Variants in DDX50 observed in about 807,000 individuals in gnomAD.
The protein encoded by DDX50 is DExD-box helicase 50.
A neutral mutation model predicts 94.8 loss-of-function variants in DDX50; 56 were observed. The ratio of observed to expected loss-of-function variants is 0.59; its 90% confidence interval spans 0.48 to 0.74. The LOEUF (loss-of-function observed/expected upper bound fraction) is 0.74, where lower values mean the gene tolerates loss of function less well. DDX50 is among the 30% of genes least tolerant of loss of function. The probability of loss-of-function intolerance (pLI) is 0.00; values close to 1 mark genes in which losing one functional copy is unlikely to be tolerated. For synonymous variants in DDX50, 264 were observed against 295.4 expected (o/e 0.89, Z 1.09); for missense variants, 713 against 881.2 (o/e 0.81, Z 2.42).
chr10:68,926,863 C>T (rs1404380615), intron 8 of DDX50, among the ~76,000 whole-genome samples: 1 of 151,750 alleles, frequency 6.6e-6, no homozygotes, highest in Non-Finnish European at 1.5e-5. Flanking sequence ...TCACTGATAC[C>T]ATGAATGTAG....
chr10:68,907,949 A>C (rs1349383416), intron 2 of DDX50, among the ~76,000 whole-genome samples: 2 of 152,230 alleles, frequency 1.3e-5, no homozygotes, highest in Non-Finnish European at 2.9e-5. Flanking sequence ...AAAGGAATTT[A>C]TCCTAAGGAG....
At chr10:68,911,794 A>G (rs938149171) in intron 4 of DDX50, 1 of 152,192 alleles carries the variant, frequency 6.6e-6, no homozygotes, top group Non-Finnish European at 1.5e-5. Flanking sequence ...GTATTATAGA[A>G]ATGATACTGC....
At chr10:68,902,719 G>A (rs570450365) in intron 1 of DDX50, among the ~76,000 whole-genome samples, 151 of 149,590 alleles carry the variant, frequency 1.0e-3, no homozygotes, top group Non-Finnish European at 1.9e-3. Flanking sequence ...AAACCAAGCA[G>A]GTATTTTAAA....
intron 7 of DDX50, among the ~76,000 whole-genome samples, chr10:68,917,907 CGTAA>C (rs1310499955): frequency 6.6e-6 from 1 of 151,428 alleles, no homozygotes; most frequent in Non-Finnish European, 1.5e-5. Flanking sequence ...CTGGCCTCCC[CGTAA>C]GTATTTTAAC....
chr10:68,903,710 A>G (rs988913378), intron 1 of DDX50, among the ~76,000 whole-genome samples: 3 of 151,882 alleles, frequency 2.0e-5, no homozygotes, highest in Admixed American at 6.6e-5. Context: ...CTGAGGTAAG[A>G]GAATCGTATG....
chr10:68,912,687 A>G (rs1400660030), intron 4 of DDX50, among the ~76,000 whole-genome samples: 1 of 152,228 alleles, frequency 6.6e-6, no homozygotes, highest in East Asian at 1.9e-4. Flanking sequence ...ATCAAATTAG[A>G]TAATTCCTGT....
In DDX50 at chr10:68,934,053, CTTT is replaced by C; in HGVS notation, c.1240-137_1240-135del. On this transcript the variant is annotated intron_variant, in intron 8 of 14. Coordinates refer to ENST00000373585, the MANE Select transcript of DDX50 (RefSeq NM_024045.2). This position sits in a 1 kb window ranked among gnomAD's most constrained non-coding sequence, Gnocchi z 4.0. ...GTTAAATATTTTCTGTCATGTTTGA[CTTT>C]TTTTTTTTACAGTAAGCATGCATTG... is the stretch of plus-strand genomic sequence containing the variant. 3.4e-6 allele frequency: 2 copies of C among 580,418 alleles called. No individual in the cohort carries two copies. Among genetic ancestry groups the C allele is most frequent in the Non-Finnish European group, 2.6e-6 (1 of 390,222 alleles). The allele number at this position is 580,418 out of a possible 1,614,324, so 36.0% of individuals were successfully genotyped here.
chr10:68,910,930 T>C, intron 3 of DDX50, 138 bp from the exon 4 acceptor site: 1 of 563,844 alleles, frequency 1.8e-6, no homozygotes, highest in African/African-American at 1.9e-5. Flanking sequence ...AATGCTTGTT[T>C]GTGGTAGGAA....
chr10:68,929,368 CT>C (rs1842187303), intron 8 of DDX50, among the ~76,000 whole-genome samples: 1 of 145,376 alleles, frequency 6.9e-6, no homozygotes, highest in Non-Finnish European at 1.5e-5. Flanking sequence ...TCTTTCCTTC[CT>C]TTCCTTTCTT....
intron 8 of DDX50, among the ~76,000 whole-genome samples, chr10:68,932,667 A>T (rs1842302728): frequency 6.6e-6 from 1 of 152,182 alleles, no homozygotes; most frequent in South Asian, 2.1e-4. Flanking sequence ...TACCTAATAT[A>T]AATAGGTTCA....
intron 11 of DDX50, among the ~76,000 whole-genome samples, chr10:68,936,670 C>A (rs1842428533): frequency 6.7e-6 from 1 of 150,330 alleles, no homozygotes; most frequent in African/African-American, 2.4e-5. Context: ...GAAACCTTGT[C>A]TCTACAAAAA....
At position 68,946,711 on chromosome 10, in the gene DDX50, C is replaced by A; in HGVS notation, c.*81C>A. The A allele has an allele frequency of 6.6e-7, 1 of 1,518,338 alleles. No individual in the cohort carries two copies. Among genetic ancestry groups the A allele is most frequent in the Non-Finnish European group, 8.9e-7 (1 of 1,128,364 alleles). The allele number at this position is 1,518,338 out of a possible 1,614,324, so 94.1% of individuals were successfully genotyped here. A position where few individuals can be genotyped will look rare whatever the true frequency, so the allele number is the denominator to read the frequency against. Reference sequence around the variant, plus strand: ...CATTATCCACCAAAAATTAGGTCATCATAGTTGAGGTATGTGTCTGCTATT... The same window carrying A: ...CATTATCCACCAAAAATTAGGTCATAATAGTTGAGGTATGTGTCTGCTATT... On this transcript the variant is annotated 3_prime_UTR_variant, in exon 15 of 15. Transcript: ENST00000373585.
rs181761905 is a variant in DDX50, at chr10:68,929,051, C to T, written c.1240-5148C>T. Among the ~76,000 whole-genome samples, 16 of 151,232 alleles carry T rather than the reference C, an allele frequency of 1.1e-4. No homozygotes were observed. The East Asian group carries it at 2.2e-3, about 21-fold the overall frequency. On this transcript the variant is annotated intron_variant, in intron 8 of 14. Coordinates refer to ENST00000373585, the MANE Select transcript of DDX50 (RefSeq NM_024045.2). ...GCAACCACCACCTCCTGGGTTCAAGCGATTCTCCTGCGTCAGCCTCCCGAA... is the reference window on the plus strand; with the variant it reads ...GCAACCACCACCTCCTGGGTTCAAGTGATTCTCCTGCGTCAGCCTCCCGAA...
intron 12 of DDX50, among the ~76,000 whole-genome samples, chr10:68,940,084 T>G (rs1842520129): frequency 6.6e-6 from 1 of 152,160 alleles, no homozygotes; most frequent in Non-Finnish European, 1.5e-5. Context: ...TATGTAACAC[T>G]CCTTCAAAAG....
intron 2 of DDX50, among the ~76,000 whole-genome samples, chr10:68,908,166 AT>A (rs1841512058): frequency 6.6e-6 from 1 of 152,170 alleles, no homozygotes; most frequent in South Asian, 2.1e-4. Flanking sequence ...AAAGAAAAAA[AT>A]AGGCTGGGCG....
intron 8 of DDX50, among the ~76,000 whole-genome samples, chr10:68,925,095 GT>G (rs1239190321): frequency 7.0e-5 from 2 of 28,562 alleles, no homozygotes; most frequent in Admixed American, 4.2e-4. Flanking sequence ...CCTGCTCATG[GT>G]TTTTTTTTTT....
intron 8 of DDX50, among the ~76,000 whole-genome samples, chr10:68,922,729 G>C (rs1841973006): frequency 6.6e-6 from 1 of 151,796 alleles, no homozygotes; most frequent in African/African-American, 2.4e-5. Context: ...GGAGCTAGAG[G>C]TTACAATGAG....
chr10:68,924,294 A>T (rs1020477709), intron 8 of DDX50, among the ~76,000 whole-genome samples: 1 of 151,850 alleles, frequency 6.6e-6, no homozygotes, highest in Non-Finnish European at 1.5e-5. Context: ...TTTAAGAGAC[A>T]GGGTCCCACC....
At chr10:68,937,512 C>A (rs934854131) in intron 12 of DDX50, among the ~76,000 whole-genome samples, 1 of 151,576 alleles carries the variant, frequency 6.6e-6, no homozygotes, top group Admixed American at 6.6e-5. Flanking sequence ...GCGTATCCAT[C>A]GTCTAAACAT....
Sources: gnomAD v4.1 joint callset for allele counts (sites outside exome capture counted in the v4.1 genomes callset) on GRCh38, gnomAD v4.1.1 for gene constraint, Gnocchi (gnomAD v3.1) non-coding constraint, MANE v1.5 for transcripts, NCBI Gene and HGNC (gene_info 2026-07-23, HGNC 2026-07-21) for gene names.